HECW1: variants seen among roughly 807,000 people sequenced by gnomAD.
HECW1 encodes E3 ubiquitin-protein ligase HECW1.
A neutral mutation model predicts 182.3 loss-of-function variants in HECW1; 61 were observed. The ratio of observed to expected loss-of-function variants is 0.33; its 90% CI spans 0.27 to 0.41. HECW1 has a LOEUF of 0.41. Among genes scored for constraint, HECW1 ranks in the 10% least tolerant of loss-of-function variants. The probability of loss-of-function intolerance (pLI) is 1.00; values close to 1 mark genes in which losing one functional copy is unlikely to be tolerated. For synonymous variants in HECW1, 859 were observed against 832.6 expected, an observed-to-expected ratio of 1.03 and a Z score of -0.55; for missense variants, 1,739 against 2,108.9, an observed-to-expected ratio of 0.82 and a Z score of 3.44.
At chr7:43,184,802 G>A (rs1460481647) in intron 2 of HECW1, among the ~76,000 whole-genome samples, 1 of 152,140 alleles carries the variant, frequency 6.6e-6, no homozygotes, top group Non-Finnish European at 1.5e-5. Context: ...GAAACACGAT[G>A]CTGGCATCTG....
chr7:43,269,479 C>G (rs1360706965), intron 3 of HECW1, among the ~76,000 whole-genome samples: 1 of 152,174 alleles, frequency 6.6e-6, no homozygotes, highest in Admixed American at 6.5e-5. Flanking sequence ...GAATAACACT[C>G]TATTGTCGGA....
rs200544206 is a variant in HECW1 at position 43,445,503 on chromosome 7, C to T, written c.2331C>T (p.Ser777=). Reference sequence around the variant, plus strand: ...GGCAAGACGAGCTGGCCGCCCCTAGCGGGCACGTGGAAAGAAGCCCGGAAG... The same window carrying T: ...GGCAAGACGAGCTGGCCGCCCCTAGTGGGCACGTGGAAAGAAGCCCGGAAG... ...GPWQDELAAP[S]GHVERSPEGL... is the part of the protein sequence containing the mutation. Residue 777 remains serine (S), a synonymous_variant, in exon 11 of 30, where the codon AGC becomes AGT. Transcript: ENST00000395891. 8.1e-6 allele frequency: 13 copies of T among 1,611,314 alleles called. No homozygotes were observed. Among genetic ancestry groups the T allele is most frequent in the Admixed American group, 1.7e-5 (1 of 59,938 alleles).
intron 2 of HECW1, among the ~76,000 whole-genome samples, chr7:43,241,802 C>T (rs1798913928): frequency 1.3e-5 from 2 of 152,046 alleles, no homozygotes; most frequent in Admixed American, 6.6e-5. Flanking sequence ...CAAATATATA[C>T]ATAAACAGTT....
intron 3 of HECW1, among the ~76,000 whole-genome samples, chr7:43,274,876 T>C (rs375823057): frequency 6.6e-6 from 1 of 152,222 alleles, no homozygotes; most frequent in African/African-American, 2.4e-5. Flanking sequence ...AACCACAAAC[T>C]AATGAAAAGT....
intron 3 of HECW1, among the ~76,000 whole-genome samples, chr7:43,253,790 C>T (rs1283918056): frequency 6.6e-6 from 1 of 152,134 alleles, no homozygotes; most frequent in Non-Finnish European, 1.5e-5. Context: ...TGCCTGTAAT[C>T]CCAGCTACTG....
Position 43,114,234 on chromosome 7 carries a change from T to A in HECW1, c.-189T>A, listed in dbSNP as rs940017870. On this transcript the variant is annotated 5_prime_UTR_variant, in exon 2 of 30. Coordinates refer to ENST00000395891, the MANE Select transcript of HECW1 (RefSeq NM_015052.5). ...AAAATTGAGGGAGGCATCTTCTCTC[T>A]TTTCCTGGGATTTAAACGCGATTTA... 2.2e-6 allele frequency: 3 copies of A among 1,361,906 alleles called. No individual in the cohort carries two copies. The African/African-American group carries it at 4.3e-5, about 20-fold the overall frequency. 84.4% of individuals were successfully genotyped at this position (1,361,906 alleles called of 1,614,324 possible).
intron 8 of HECW1, among the ~76,000 whole-genome samples, chr7:43,435,889 G>A (rs569491041): frequency 1.1e-4 from 17 of 152,298 alleles, no homozygotes; most frequent in African/African-American, 3.8e-4. Flanking sequence ...GCTAGGCCGG[G>A]CGTGGTGGCT....
At chr7:43,169,867 A>AC (rs1234153697) in intron 2 of HECW1, among the ~76,000 whole-genome samples, 3 of 149,988 alleles carry the variant, frequency 2.0e-5, no homozygotes, top group East Asian at 3.9e-4. Context: ...CCAATTCCCC[A>AC]CCCCCAGGAG....
intron 3 of HECW1, among the ~76,000 whole-genome samples, chr7:43,285,842 A>G (rs905277673): frequency 5.9e-5 from 9 of 152,206 alleles, no homozygotes; most frequent in African/African-American, 1.7e-4. Flanking sequence ...GGCAAAATAA[A>G]TAAATGACAG....
intron 5 of HECW1, among the ~76,000 whole-genome samples, 190 bp from the exon 6 acceptor site, chr7:43,360,696 T>A (rs1266131224): frequency 6.6e-6 from 1 of 152,154 alleles, no homozygotes; most frequent in Non-Finnish European, 1.5e-5. Context: ...GCCAGAACAA[T>A]TTTTCATGTC....
chr7:43,475,374 C>T (rs2078182093), intron 16 of HECW1, among the ~76,000 whole-genome samples: 1 of 152,042 alleles, frequency 6.6e-6, no homozygotes, highest in Admixed American at 6.6e-5. Context: ...TTCTAGATGA[C>T]TCTTGGGCTT....
At chr7:43,477,852 A>G (rs1363889305) in intron 16 of HECW1, among the ~76,000 whole-genome samples, 6 of 152,200 alleles carry the variant, frequency 3.9e-5, no homozygotes, top group Admixed American at 6.5e-5. Flanking sequence ...CTAAATCTGT[A>G]TAAAATTTCT....
chr7:43,559,647 C>T (rs901370875), intron 29 of HECW1, among the ~76,000 whole-genome samples: 2 of 151,966 alleles, frequency 1.3e-5, no homozygotes, highest in Admixed American at 6.6e-5. Context: ...GTGACTAGAC[C>T]GGGGTCAGCA....
chr7:43,491,386 A>T (rs1278696742), intron 17 of HECW1, among the ~76,000 whole-genome samples: 5 of 152,254 alleles, frequency 3.3e-5, no homozygotes, highest in Non-Finnish European at 7.3e-5. Flanking sequence ...GAATGCAATA[A>T]CAGGCATTCA....
intron 3 of HECW1, among the ~76,000 whole-genome samples, chr7:43,246,901 G>A (rs1219378993): frequency 6.6e-6 from 1 of 152,164 alleles, no homozygotes; most frequent in African/African-American, 2.4e-5. Flanking sequence ...GAGACCCAGT[G>A]TTGGGTGGGA....
At chr7:43,500,578 T>A in intron 19 of HECW1, 121 bp from the exon 20 acceptor site, 2 of 805,264 alleles carry the variant, frequency 2.5e-6, no homozygotes, top group African/African-American at 1.7e-5. Flanking sequence ...GCAAAATACA[T>A]AGGACGTTAG....
chr7:43,519,326 A>C (rs2080327624), intron 24 of HECW1, among the ~76,000 whole-genome samples: 1 of 151,732 alleles, frequency 6.6e-6, no homozygotes, highest in South Asian at 2.1e-4. Flanking sequence ...GCTCACTGCA[A>C]CCTCCACCTT....
At chr7:43,368,383 T>C (rs1816906215) in intron 6 of HECW1, among the ~76,000 whole-genome samples, 1 of 152,166 alleles carries the variant, frequency 6.6e-6, no homozygotes, top group Non-Finnish European at 1.5e-5. Flanking sequence ...TGTAAGCAAA[T>C]TTAACCCAGA....
At chr7:43,157,953 C>T (rs1399433103) in intron 2 of HECW1, among the ~76,000 whole-genome samples, 1 of 152,164 alleles carries the variant, frequency 6.6e-6, no homozygotes, top group South Asian at 2.1e-4. Flanking sequence ...AGTCCTTGCT[C>T]CCCTAAGATG....
Sources: gnomAD v4.1 joint callset for allele counts (sites outside exome capture counted in the v4.1 genomes callset) on GRCh38, gnomAD v4.1.1 for gene constraint, MANE v1.5 for transcripts, NCBI Gene and HGNC (gene_info 2026-07-23, HGNC 2026-07-21) for gene names.